The following CTNNBL1 variants were observed in gnomAD, a reference collection of about 807,000 sequenced individuals.
CTNNBL1 encodes the protein catenin beta like 1, also known as beta-catenin-like protein 1.
A neutral mutation model predicts 72.7 loss-of-function variants in CTNNBL1; 31 were observed. The ratio of observed to expected loss-of-function variants is 0.43; its 90% CI spans 0.32 to 0.58. CTNNBL1 has a LOEUF of 0.58. Ranked by LOEUF, CTNNBL1 falls within the 20% of genes least tolerant of loss-of-function variation. CTNNBL1 has a pLI of 0.08. For missense variants in CTNNBL1, 534 were observed against 725.1 expected (o/e 0.74, Z 3.03); for synonymous variants, 240 against 267.3 (o/e 0.90, Z 1.00).
chr20:37,711,630 T>C (rs2072938971), intron 1 of CTNNBL1, among the ~76,000 whole-genome samples: 1 of 148,320 alleles, frequency 6.7e-6, no homozygotes, highest in African/African-American at 2.5e-5. Flanking sequence ...AGGAAAAAAA[T>C]AGGCTGATGT....
chr20:37,841,792 G>A (rs2072306310), intron 12 of CTNNBL1, among the ~76,000 whole-genome samples: 1 of 152,116 alleles, frequency 6.6e-6, no homozygotes, highest in South Asian at 2.1e-4. Flanking sequence ...TTAAGTTATT[G>A]CCAAGCAAAA....
intron 10 of CTNNBL1, among the ~76,000 whole-genome samples, chr20:37,796,093 G>A (rs1170095348): frequency 6.6e-6 from 1 of 152,106 alleles, no homozygotes; most frequent in Non-Finnish European, 1.5e-5. Flanking sequence ...ACTCCGCCAG[G>A]TGCACTGTGA....
chr20:37,733,178 T>A, intron 2 of CTNNBL1, 111 bp downstream of exon 2: 1 of 894,346 alleles, frequency 1.1e-6, no homozygotes, highest in Non-Finnish European at 1.7e-6. Flanking sequence ...AAAATGGGGT[T>A]AAGAATTCAT....
At chr20:37,845,803 C>T (rs564240996) in intron 13 of CTNNBL1, among the ~76,000 whole-genome samples, 44 of 152,306 alleles carry the variant, frequency 2.9e-4, no homozygotes, top group Admixed American at 2.5e-3. Flanking sequence ...ATTTTTCAGG[C>T]ATTTTGAAGA....
In CTNNBL1 at chr20:37,802,883, C is replaced by T. The variant is rs141919968; in HGVS notation, c.1048C>T (p.Arg350Trp). ...NLMLREKKIS[R>W]SSALKVLDHA... ...TGTTCACAGGGAAAAGAAGATCTCC[C>T]GGAGCAGTGCCCTGAAAGTGCTGGA... Residue 350 changes from arginine to tryptophan, a missense_variant, in exon 11 of 16, where the codon CGG becomes TGG. Transcript: ENST00000361383. The T allele has an allele frequency of 1.9e-5, 31 of 1,612,442 alleles. No homozygotes were observed. Among genetic ancestry groups the T allele is most frequent in the African/African-American group, 6.7e-5 (5 of 74,780 alleles).
intron 10 of CTNNBL1, among the ~76,000 whole-genome samples, chr20:37,793,160 G>A (rs1044462130): frequency 3.3e-5 from 5 of 152,160 alleles, no homozygotes; most frequent in African/African-American, 1.2e-4. Context: ...TGATCATGTT[G>A]TTCAAATCGT....
chr20:37,835,223 G>A (rs1185691118), intron 11 of CTNNBL1, among the ~76,000 whole-genome samples: 1 of 152,170 alleles, frequency 6.6e-6, no homozygotes, highest in Non-Finnish European at 1.5e-5. Flanking sequence ...GCTTGGGTTG[G>A]TACTACTCCA....
chr20:37,733,202 A>G, intron 2 of CTNNBL1, 135 bp downstream of exon 2: 1 of 747,216 alleles, frequency 1.3e-6, no homozygotes, highest in Non-Finnish European at 2.1e-6. Context: ...TCATCGCGTT[A>G]ATGTGAAGGT....
chr20:37,871,471 G>A (rs1176258058), intron 15 of CTNNBL1, among the ~76,000 whole-genome samples: 1 of 152,134 alleles, frequency 6.6e-6, no homozygotes, highest in Non-Finnish European at 1.5e-5. Flanking sequence ...AGGGCAAAGG[G>A]TCTTGAGAGT....
At chr20:37,792,054 T>C (rs1029734935) in intron 10 of CTNNBL1, among the ~76,000 whole-genome samples, 1 of 152,226 alleles carries the variant, frequency 6.6e-6, no homozygotes, top group Non-Finnish European at 1.5e-5. Flanking sequence ...ATTGAAGATA[T>C]TTATTCATTT....
At chr20:37,861,014 C>T (rs916147873) in intron 15 of CTNNBL1, among the ~76,000 whole-genome samples, 6 of 152,188 alleles carry the variant, frequency 3.9e-5, no homozygotes, top group East Asian at 3.8e-4. Flanking sequence ...TTGGAACATC[C>T]GTCGGGATGC....
chr20:37,871,935 G>A lies in CTNNBL1; in HGVS notation c.1614G>A (p.Glu538=). 1.2e-6 allele frequency: 2 copies of A among 1,613,990 alleles called. No homozygotes were observed. Among genetic ancestry groups the A allele is most frequent in the Non-Finnish European group, 1.7e-6 (2 of 1,179,890 alleles). Reference sequence around the variant, plus strand: ...TCTTTGTCCCCCTAGAGTATGCAGAGAACATCGGGGACGGCCGGAGCCCGG... The same window carrying A: ...TCTTTGTCCCCCTAGAGTATGCAGAAAACATCGGGGACGGCCGGAGCCCGG... ...IVRHIIKEYA[E]NIGDGRSPEF... Residue 538 remains glutamate, a synonymous_variant, in exon 16 of 16, where the codon GAG becomes GAA. Coordinates refer to ENST00000361383, the MANE Select transcript of CTNNBL1 (RefSeq NM_030877.5).
chr20:37,818,838 AG>A (rs1169638659), intron 11 of CTNNBL1, among the ~76,000 whole-genome samples: 12 of 152,218 alleles, frequency 7.9e-5, no homozygotes, highest in African/African-American at 2.9e-4. Flanking sequence ...TTGAAAATAT[AG>A]TTAATGATTG....
At chr20:37,744,498 G>A (rs2073244728) in intron 3 of CTNNBL1, 1 of 152,174 alleles carries the variant, frequency 6.6e-6, no homozygotes, top group African/African-American at 2.4e-5. Context: ...TCTACTCAAG[G>A]GAATATTGTG....
intron 8 of CTNNBL1, 105 bp from the exon 9 acceptor site, chr20:37,777,549 T>C: frequency 7.2e-7 from 1 of 1,383,930 alleles, no homozygotes; most frequent in Non-Finnish European, 1.0e-6. Flanking sequence ...TTTTGTACTC[T>C]GTCAAGCTGT....
chr20:37,778,241 A>G (rs2073593128), intron 9 of CTNNBL1, among the ~76,000 whole-genome samples: 1 of 152,160 alleles, frequency 6.6e-6, no homozygotes, highest in Non-Finnish European at 1.5e-5. Flanking sequence ...TCCAGTTGAA[A>G]TGTTATTCTG....
At chr20:37,868,293 C>CTTT (rs34129953) in intron 15 of CTNNBL1, among the ~76,000 whole-genome samples, 1 of 148,672 alleles carries the variant, frequency 6.7e-6, no homozygotes, top group African/African-American at 2.5e-5. Context: ...TTTTAGGGGC[C>CTTT]TTTTTTTTTT....
At chr20:37,768,194 G>T in intron 7 of CTNNBL1, 150 bp downstream of exon 7, 1 of 611,892 alleles carries the variant, frequency 1.6e-6, no homozygotes, top group Non-Finnish European at 2.9e-6. Context: ...CTCCGTTTTT[G>T]TTCGTTTTAA....
chr20:37,821,054 C>A (rs1454344895), intron 11 of CTNNBL1, among the ~76,000 whole-genome samples: 3 of 152,226 alleles, frequency 2.0e-5, no homozygotes, highest in Non-Finnish European at 4.4e-5. Context: ...ACTAGGGAAG[C>A]CCCTCCTGGT....
Sources: gnomAD v4.1 joint callset for allele counts (sites outside exome capture counted in the v4.1 genomes callset) on GRCh38, gnomAD v4.1.1 for gene constraint, MANE v1.5 for transcripts, NCBI Gene and HGNC (gene_info 2026-07-23, HGNC 2026-07-21) for gene names.